DOCK1: variants seen among roughly 807,000 people sequenced by gnomAD.
DOCK1 encodes the protein dedicator of cytokinesis 1.
Under a neutral mutation model 262.7 loss-of-function variants are expected in DOCK1, and 138 were observed. That is an observed-to-expected ratio of 0.53 (90% CI 0.46 to 0.61). DOCK1 has a LOEUF of 0.61. Ranked by LOEUF, DOCK1 falls within the 20% of genes least tolerant of loss-of-function variation. DOCK1 has a pLI of 0.00. For synonymous variants in DOCK1, 866 were observed against 867.4 expected (o/e 1.00, Z 0.03); for missense variants, 1,908 against 2,370.7 (o/e 0.80, Z 4.05).
chr10:127,300,311 C>A (rs529544746), intron 29 of DOCK1, among the ~76,000 whole-genome samples: 1 of 152,320 alleles, frequency 6.6e-6, no homozygotes, highest in Non-Finnish European at 1.5e-5. Flanking sequence ...TTGTCTGTCT[C>A]CTCTCTTGTG....
At chr10:126,957,342 T>C (rs986756796) in intron 1 of DOCK1, among the ~76,000 whole-genome samples, 1 of 152,162 alleles carries the variant, frequency 6.6e-6, no homozygotes, top group African/African-American at 2.4e-5. Flanking sequence ...GGCTGCTGGC[T>C]CACCTGAAGA....
At chr10:127,366,452 G>T in intron 33 of DOCK1, among the ~76,000 whole-genome samples, 1 of 152,056 alleles carries the variant, frequency 6.6e-6, no homozygotes, top group East Asian at 1.9e-4. Flanking sequence ...CCTGGCCTCC[G>T]TGGCAGTCGG....
intron 31 of DOCK1, among the ~76,000 whole-genome samples, chr10:127,346,007 C>T (rs112748037): frequency 4.6e-5 from 7 of 152,190 alleles, no homozygotes; most frequent in Non-Finnish European, 8.8e-5. Flanking sequence ...CTTCAGCACG[C>T]GCCCCTTGTT....
chr10:127,409,417 A>T, intron 42 of DOCK1, 26 bp downstream of exon 42: 1 of 1,610,398 alleles, frequency 6.2e-7, no homozygotes, highest in East Asian at 2.2e-5. Context: ...TTCTTACCCA[A>T]CGTGAGGGTT....
intron 29 of DOCK1, among the ~76,000 whole-genome samples, chr10:127,296,347 GC>G (rs935372082): frequency 1.3e-5 from 2 of 152,298 alleles, no homozygotes; most frequent in Admixed American, 1.3e-4. Context: ...AGCTGCACCT[GC>G]CCATCTCCCA....
At chr10:126,955,323 A>T (rs1302470568) in intron 1 of DOCK1, among the ~76,000 whole-genome samples, 1 of 152,264 alleles carries the variant, frequency 6.6e-6, no homozygotes, top group Admixed American at 6.5e-5. Flanking sequence ...AAGGGGTTTC[A>T]CTATGTTGGC....
At chr10:127,338,887 G>A (rs367840532) in intron 29 of DOCK1, 119 bp from the exon 30 acceptor site, 15 of 807,152 alleles carry the variant, frequency 1.9e-5, no homozygotes, top group Admixed American at 8.0e-5. Context: ...ACAGCTTTGC[G>A]CAAGACTTGG....
At position 127,042,611 on chromosome 10, in the gene DOCK1, C is replaced by T; in HGVS notation, c.2011-14C>T. The stretch of plus-strand genomic sequence containing the variant: ...TGGGTTCACATTGTCACCCGACCTT[C>T]TGTGTCTATGCAGTTTCTTCAGGAC... On this transcript the variant is annotated splice_polypyrimidine_tract_variant and intron_variant, in intron 19 of 51. Coordinates refer to ENST00000623213, the MANE Select transcript of DOCK1 (RefSeq NM_001290223.2). The T allele has an allele frequency of 1.2e-6, 2 of 1,613,322 alleles. No homozygotes were observed. Among genetic ancestry groups the T allele is most frequent in the Non-Finnish European group, 1.7e-6 (2 of 1,179,270 alleles).
chr10:127,401,011 T>C (rs999493561), intron 38 of DOCK1, among the ~76,000 whole-genome samples: 14 of 152,132 alleles, frequency 9.2e-5, no homozygotes, highest in African/African-American at 3.4e-4. Flanking sequence ...GATGAGCCTT[T>C]TGAGATCTTT....
In DOCK1 at chr10:127,028,122, T is replaced by C. The variant is rs190509491; in HGVS notation, c.1624+1698T>C. ...CGAAAGCATCATTGCATTCCTGTCC[T>C]GTCCCAACAGTGCATGCAGGCCAGG... On this transcript the variant is annotated intron_variant, in intron 16 of 51. Transcript: ENST00000623213. Among the ~76,000 whole-genome samples the C allele has an allele frequency of 9.0e-4, 137 of 152,226 alleles. 3 individuals are homozygous for C. The East Asian group carries it at 0.021, about 23-fold the overall frequency.
At chr10:127,068,257 C>T (rs879427098) in intron 23 of DOCK1, among the ~76,000 whole-genome samples, 6 of 151,844 alleles carry the variant, frequency 4.0e-5, no homozygotes, top group African/African-American at 1.2e-4. Context: ...TATTTATTTC[C>T]GGGCTAGCAT....
rs774822703 is a variant in DOCK1, at chr10:127,175,218, C to T, written c.2847+47454C>T. ...CATGGGTGAACATACATACCCTTCC[C>T]GATGGGCCTCTCCTTTTTCCAACTC... On this transcript the variant is annotated intron_variant, in intron 27 of 51. Transcript: ENST00000623213. This position sits in a 1 kb window ranked among gnomAD's most constrained non-coding sequence, Gnocchi z 6.3. The T allele has an allele frequency of 2.5e-6, 4 of 1,611,730 alleles. No individual in the cohort carries two copies. The highest frequency in any genetic ancestry group is 3.3e-5 in the Admixed American group (2 of 59,896).
At chr10:127,196,097 A>G (rs190160935) in intron 27 of DOCK1, 4 of 152,088 alleles carry the variant, frequency 2.6e-5, no homozygotes, top group African/African-American at 7.2e-5. Context: ...AGCACTCCGG[A>G]CAGGGCATCC....
intron 27 of DOCK1, among the ~76,000 whole-genome samples, chr10:127,204,988 C>T (rs1214725212): frequency 6.6e-6 from 1 of 152,110 alleles, no homozygotes. Flanking sequence ...CATTACCATG[C>T]CTTGGGCTAT....
At chr10:127,158,969 C>T (rs1275268178) in intron 27 of DOCK1, among the ~76,000 whole-genome samples, 1 of 152,118 alleles carries the variant, frequency 6.6e-6, no homozygotes, top group Non-Finnish European at 1.5e-5. Context: ...ATCCCAGGGA[C>T]CAATTTGGGG....
intron 1 of DOCK1, among the ~76,000 whole-genome samples, chr10:126,967,116 G>T (rs2037732983): frequency 6.6e-6 from 1 of 152,176 alleles, no homozygotes; most frequent in Non-Finnish European, 1.5e-5. Context: ...GACCCTAACA[G>T]ATCAGAAAAT....
chr10:126,960,850 A>G (rs1313571503), intron 1 of DOCK1, among the ~76,000 whole-genome samples: 5 of 150,928 alleles, frequency 3.3e-5, no homozygotes, highest in African/African-American at 1.2e-4. Flanking sequence ...ATAGATATAT[A>G]CATGTAGATA....
At position 127,175,950 on chromosome 10, in the gene DOCK1, T is replaced by C. The variant is rs2055085812; in HGVS notation, c.2847+48186T>C. The C allele has an allele frequency of 1.2e-6, 2 of 1,614,200 alleles. No individual in the cohort carries two copies. The highest frequency in any genetic ancestry group is 1.3e-5 in the African/African-American group (1 of 75,048). On this transcript the variant is annotated intron_variant, in intron 27 of 51. Coordinates refer to ENST00000623213, the MANE Select transcript of DOCK1 (RefSeq NM_001290223.2). This position sits in a 1 kb window ranked among gnomAD's most constrained non-coding sequence, Gnocchi z 6.3. ...CTCCATGGGTCCAGCCTCGTTCTTC[T>C]CTTTCGCATCTGTTAGAAACCCATT...
At chr10:126,958,528 T>C (rs1447025262) in intron 1 of DOCK1, among the ~76,000 whole-genome samples, 2 of 152,106 alleles carry the variant, frequency 1.3e-5, no homozygotes, top group African/African-American at 4.8e-5. Flanking sequence ...CGAGAGGTGA[T>C]GATGTCTTGA....
Sources: allele counts gnomAD v4.1 joint callset (sites outside exome capture counted in the v4.1 genomes callset), GRCh38; gene constraint gnomAD v4.1.1; non-coding constraint Gnocchi (gnomAD v3.1); transcripts MANE v1.5; gene names NCBI Gene and HGNC (gene_info 2026-07-23, HGNC 2026-07-21).